LRRFIP2: variants seen among roughly 807,000 people sequenced by gnomAD.
LRRFIP2 encodes LRR binding FLII interacting protein 2, also known as leucine-rich repeat flightless-interacting protein 2.
A neutral mutation model predicts 125.9 loss-of-function variants in LRRFIP2; 109 were observed. The ratio of observed to expected loss-of-function variants is 0.87; its 90% CI spans 0.74 to 1.01. The LOEUF is 1.01. LRRFIP2 is among the 50% of genes least tolerant of loss of function. LRRFIP2 has a pLI of 0.00. For synonymous variants in LRRFIP2, 291 were observed against 293.1 expected, an observed-to-expected ratio of 0.99 and a Z score of 0.07; for missense variants, 850 against 862.3, an observed-to-expected ratio of 0.99 and a Z score of 0.18.
At chr3:37,072,627 G>A (rs1054547659) in intron 21 of LRRFIP2, among the ~76,000 whole-genome samples, 163 bp downstream of exon 21, 3 of 151,816 alleles carry the variant, frequency 2.0e-5, no homozygotes, top group African/African-American at 7.3e-5. Flanking sequence ...CAGGCACAAC[G>A]TCAGGTTTTC....
chr3:37,129,115 C>T lies in LRRFIP2; in HGVS notation c.125G>A (p.Arg42Gln), dbSNP rs1211627128. Residue 42 changes from arginine to glutamine, a missense_variant, in exon 3 of 28, where the codon CGG becomes CAG. By Grantham distance (43) the Arg-to-Gln change is conservative. Transcript: ENST00000336686. ...EARLAAKRAA[R>Q]AEARDIRMRE... ...CATGCGTATATCTCTTGCTTCTGCC[C>T]GGGCAGCCCGTTTTGCTGCCAGCCT... 2.5e-6 allele frequency: 4 copies of T among 1,613,982 alleles called. No homozygotes were observed. The highest frequency in any genetic ancestry group is 1.1e-5 in the South Asian group (1 of 91,078).
Position 37,106,035 on chromosome 3 carries a change from A to G in LRRFIP2, c.715-512T>C, listed in dbSNP as rs1033805332. On this transcript the variant is annotated intron_variant, in intron 13 of 27. Transcript: ENST00000336686. ...AGCCAAGATCGTGCCATTGCACTCC[A>G]GTCTGGGTGGCAGAGCAAGACACCA... Among the ~76,000 whole-genome samples the G allele has an allele frequency of 2.0e-5, 3 of 152,198 alleles. No homozygotes were observed. The East Asian group carries it at 5.8e-4, about 29-fold the overall frequency.
chr3:37,089,336 G>C (rs2093293512), intron 18 of LRRFIP2, among the ~76,000 whole-genome samples: 1 of 152,050 alleles, frequency 6.6e-6, no homozygotes, highest in South Asian at 2.1e-4. Context: ...TACTAGTACA[G>C]CATGGGCAAA....
intron 6 of LRRFIP2, among the ~76,000 whole-genome samples, chr3:37,117,969 A>G (rs1342026013): frequency 6.6e-6 from 1 of 152,242 alleles, no homozygotes; most frequent in African/African-American, 2.4e-5. Context: ...ATATTTTAAA[A>G]ATTAAATTCA....
At position 37,112,901 on chromosome 3, in the gene LRRFIP2, A is replaced by G. The variant is rs2149454053; in HGVS notation, c.438+14T>C. 5 of 1,467,080 alleles carry G rather than the reference A, an allele frequency of 3.4e-6. No homozygotes were observed. Among genetic ancestry groups the G allele is most frequent in the Admixed American group, 3.5e-5 (2 of 57,522 alleles). 90.9% of individuals were successfully genotyped at this position (1,467,080 alleles called of 1,614,324 possible). ...TACTTCGTGAATTGTGATATGAGAG[A>G]CAACAGAACTAACCAGTAGGTCTTT... On this transcript the variant is annotated intron_variant, in intron 8 of 27. Transcript: ENST00000336686.
chr3:37,099,798 G>A (rs935924579), intron 15 of LRRFIP2, among the ~76,000 whole-genome samples: 2 of 152,104 alleles, frequency 1.3e-5, no homozygotes, highest in Admixed American at 1.3e-4. Context: ...ATATTATATA[G>A]GCTTGCAGAA....
At chr3:37,101,330 C>G (rs2094029700) in intron 15 of LRRFIP2, among the ~76,000 whole-genome samples, 3 of 149,522 alleles carry the variant, frequency 2.0e-5, no homozygotes, top group Admixed American at 1.3e-4. Flanking sequence ...GCATGCCAGC[C>G]TAGGTGACAG....
At chr3:37,141,509 T>C (rs1028745573) in intron 2 of LRRFIP2, among the ~76,000 whole-genome samples, 2 of 152,228 alleles carry the variant, frequency 1.3e-5, no homozygotes, top group Non-Finnish European at 1.5e-5. Context: ...AACAAGGCTG[T>C]TTATGGTGAT....
chr3:37,057,420 G>T (rs995955380), intron 25 of LRRFIP2, among the ~76,000 whole-genome samples: 18 of 152,030 alleles, frequency 1.2e-4, no homozygotes, highest in Non-Finnish European at 2.5e-4. Flanking sequence ...TGACATTCTT[G>T]AACAAAATAT....
chr3:37,119,326 T>C (rs2094926035), intron 6 of LRRFIP2, among the ~76,000 whole-genome samples: 1 of 152,186 alleles, frequency 6.6e-6, no homozygotes. Flanking sequence ...AATAAAATCA[T>C]CCTGATTATA....
intron 1 of LRRFIP2, chr3:37,171,059 G>C (rs1247986805): frequency 6.6e-6 from 1 of 152,328 alleles, no homozygotes; most frequent in African/African-American, 2.4e-5. Flanking sequence ...GGGCATCAGA[G>C]TGAGACCCTG....
chr3:37,134,261 CA>C (rs2095501982), intron 2 of LRRFIP2, among the ~76,000 whole-genome samples: 1 of 151,654 alleles, frequency 6.6e-6, no homozygotes, highest in Non-Finnish European at 1.5e-5. Flanking sequence ...TATTTAAACT[CA>C]CAGAACTTTT....
chr3:37,155,443 A>G (rs1260882947), intron 1 of LRRFIP2, among the ~76,000 whole-genome samples: 2 of 152,232 alleles, frequency 1.3e-5, no homozygotes, highest in Non-Finnish European at 2.9e-5. Flanking sequence ...TGGAAAAAAT[A>G]AATGCCTTGA....
chr3:37,101,996 T>C (rs548249057), intron 15 of LRRFIP2, among the ~76,000 whole-genome samples: 2 of 152,208 alleles, frequency 1.3e-5, no homozygotes, highest in Non-Finnish European at 2.9e-5. Context: ...ATATTTAAAA[T>C]ATATTCAGAT....
At chr3:37,148,211 G>A (rs1195743405) in intron 2 of LRRFIP2, among the ~76,000 whole-genome samples, 2 of 152,068 alleles carry the variant, frequency 1.3e-5, no homozygotes, top group Non-Finnish European at 2.9e-5. Context: ...TGGAACTCAA[G>A]TAACCCATAA....
intron 21 of LRRFIP2, chr3:37,067,751 G>A (rs2148815206): frequency 6.6e-6 from 1 of 152,230 alleles, no homozygotes; most frequent in South Asian, 2.1e-4. Flanking sequence ...ATCCTGTGAG[G>A]TACTTGTATT....
intron 19 of LRRFIP2, among the ~76,000 whole-genome samples, chr3:37,082,822 G>T (rs1470020210): frequency 5.9e-5 from 9 of 152,052 alleles, no homozygotes; most frequent in Admixed American, 5.9e-4. Context: ...AATAATGTTG[G>T]TCTCCTACAG....
chr3:37,145,575 C>T (rs1244093601), intron 2 of LRRFIP2, among the ~76,000 whole-genome samples: 1 of 152,170 alleles, frequency 6.6e-6, no homozygotes, highest in Non-Finnish European at 1.5e-5. Context: ...GAATGTTAGC[C>T]TTGCTTCTGA....
At chr3:37,159,663 C>T (rs548320171) in intron 1 of LRRFIP2, among the ~76,000 whole-genome samples, 4 of 152,028 alleles carry the variant, frequency 2.6e-5, no homozygotes, top group South Asian at 2.1e-4. Context: ...TGTGCCACCA[C>T]GCCTGGCTAA....
Sources: allele counts gnomAD v4.1 joint callset (sites outside exome capture counted in the v4.1 genomes callset), GRCh38; gene constraint gnomAD v4.1.1; transcripts MANE v1.5; gene names NCBI Gene and HGNC (gene_info 2026-07-23, HGNC 2026-07-21).